Variants in CEP128 observed in about 807,000 individuals in gnomAD.
CEP128 encodes the protein centrosomal protein 128kDa.
CEP128 carries 132 observed loss-of-function variants against 156.7 expected under a neutral mutation model. The ratio of observed to expected loss-of-function variants is 0.84; its 90% CI spans 0.73 to 0.97. The LOEUF (loss-of-function observed/expected upper bound fraction) is 0.97. Among genes scored for constraint, CEP128 ranks in the 50% least tolerant of loss-of-function variants. The pLI is 0.00. For synonymous variants in CEP128, 469 were observed against 448.9 expected, an observed-to-expected ratio of 1.04 and a Z score of -0.57; for missense variants, 1,252 against 1,281.9, an observed-to-expected ratio of 0.98 and a Z score of 0.36.
At chr14:80,624,738 A>C (rs1893636071) in intron 19 of CEP128, among the ~76,000 whole-genome samples, 1 of 151,962 alleles carries the variant, frequency 6.6e-6, no homozygotes, top group African/African-American at 2.4e-5. Flanking sequence ...AGAAATGTCT[A>C]CTCAGACCCT....
At chr14:80,563,316 AG>A (rs1304924342) in intron 20 of CEP128, among the ~76,000 whole-genome samples, 1 of 152,262 alleles carries the variant, frequency 6.6e-6, no homozygotes, top group East Asian at 1.9e-4. Flanking sequence ...GACCACTCCC[AG>A]GAAGTAATGA....
intron 19 of CEP128, among the ~76,000 whole-genome samples, chr14:80,707,331 TG>T (rs1409768057): frequency 6.6e-6 from 1 of 152,208 alleles, no homozygotes; most frequent in Non-Finnish European, 1.5e-5. Context: ...TTGTTCAGCT[TG>T]GTTTATCTGC....
chr14:80,511,545 A>G (rs548073945), intron 23 of CEP128, among the ~76,000 whole-genome samples: 1 of 152,062 alleles, frequency 6.6e-6, no homozygotes, highest in African/African-American at 2.4e-5. Flanking sequence ...TCAAAAAAAC[A>G]ACTTTTTGTT....
At chr14:80,520,989 A>ATTTTTT (rs533538115) in intron 23 of CEP128, among the ~76,000 whole-genome samples, 1 of 114,586 alleles carries the variant, frequency 8.7e-6, no homozygotes, top group Non-Finnish European at 1.8e-5. Flanking sequence ...CGCCCAGCTA[A>ATTTTTT]TTTTTTTTTT....
intron 4 of CEP128, among the ~76,000 whole-genome samples, chr14:80,911,289 C>T (rs1004016180): frequency 8.6e-5 from 13 of 151,982 alleles, no homozygotes; most frequent in Admixed American, 3.9e-4. Flanking sequence ...ACTTGGGCCC[C>T]GGAGTTCAAG....
intron 19 of CEP128, among the ~76,000 whole-genome samples, chr14:80,617,713 G>A (rs1187909289): frequency 6.6e-6 from 1 of 152,166 alleles, no homozygotes; most frequent in African/African-American, 2.4e-5. Context: ...AGACCGAGGC[G>A]GATGGATCTC....
intron 9 of CEP128, among the ~76,000 whole-genome samples, chr14:80,848,618 C>A (rs2140109188): frequency 6.6e-6 from 1 of 151,670 alleles, no homozygotes; most frequent in South Asian, 2.1e-4. Context: ...CAAGATCGTG[C>A]CACTGCACTC....
chr14:80,757,905 C>G (rs908205689), intron 17 of CEP128, among the ~76,000 whole-genome samples: 1 of 152,206 alleles, frequency 6.6e-6, no homozygotes, highest in Non-Finnish European at 1.5e-5. Context: ...ACCTTTCTAT[C>G]TAAATCTCAC....
At chr14:80,851,480 G>A (rs577270413) in intron 9 of CEP128, among the ~76,000 whole-genome samples, 4 of 151,972 alleles carry the variant, frequency 2.6e-5, no homozygotes, top group Non-Finnish European at 5.9e-5. Context: ...AATGTAGCTG[G>A]AACATAGATA....
chr14:80,954,017 C>T (rs1315322494), intron 2 of CEP128, among the ~76,000 whole-genome samples: 1 of 152,248 alleles, frequency 6.6e-6, no homozygotes, highest in East Asian at 1.9e-4. Flanking sequence ...AGCCTGTAAT[C>T]CCAGCACTTT....
intron 13 of CEP128, among the ~76,000 whole-genome samples, chr14:80,810,315 TC>T (rs1884439374): frequency 2.7e-5 from 1 of 36,926 alleles, no homozygotes; most frequent in African/African-American, 7.9e-5. Context: ...AGAGCAAGAC[TC>T]CATCTCCAAA....
chr14:80,637,649 A>C (rs1363847878), intron 19 of CEP128, among the ~76,000 whole-genome samples: 1 of 152,164 alleles, frequency 6.6e-6, no homozygotes, highest in Non-Finnish European at 1.5e-5. Context: ...ATAAAAACTG[A>C]ATGGTGCCCC....
chr14:80,532,062 T>C (rs976601282), intron 21 of CEP128, among the ~76,000 whole-genome samples: 1 of 152,176 alleles, frequency 6.6e-6, no homozygotes, highest in Non-Finnish European at 1.5e-5. Context: ...GAGTTAGTTA[T>C]CAATGCATCA....
intron 19 of CEP128, among the ~76,000 whole-genome samples, chr14:80,734,085 CA>C (rs1178206158): frequency 6.6e-6 from 1 of 152,102 alleles, no homozygotes; most frequent in Non-Finnish European, 1.5e-5. Flanking sequence ...GGCTAAAGGT[CA>C]GGCATCACTT....
intron 19 of CEP128, among the ~76,000 whole-genome samples, chr14:80,723,240 A>G (rs1055326630): frequency 2.8e-4 from 43 of 152,202 alleles, no homozygotes; most frequent in African/African-American, 1.0e-3. Context: ...GAAATGAGTC[A>G]AACTACTACC....
intron 19 of CEP128, among the ~76,000 whole-genome samples, chr14:80,615,788 C>T (rs1046537320): frequency 4.6e-5 from 7 of 152,156 alleles, no homozygotes; most frequent in African/African-American, 1.7e-4. Context: ...GGCAGAGTTG[C>T]ACTGAGCCAA....
chr14:80,635,998 T>C (rs886991266), intron 19 of CEP128, among the ~76,000 whole-genome samples: 1 of 152,254 alleles, frequency 6.6e-6, no homozygotes, highest in Non-Finnish European at 1.5e-5. Context: ...TCTCATTATG[T>C]ATATGCAAAT....
At chr14:80,689,089 G>A (rs1283230297) in intron 19 of CEP128, among the ~76,000 whole-genome samples, 1 of 151,994 alleles carries the variant, frequency 6.6e-6, no homozygotes, top group African/African-American at 2.4e-5. Flanking sequence ...ACGGCTAGGC[G>A]CAGTGGCACC....
intron 19 of CEP128, among the ~76,000 whole-genome samples, chr14:80,722,738 C>T (rs1356226638): frequency 6.6e-6 from 1 of 150,722 alleles, no homozygotes; most frequent in Non-Finnish European, 1.5e-5. Context: ...ACCCAACTGA[C>T]AATTAAGCAA....
Sources: gnomAD v4.1 joint callset for allele counts (sites outside exome capture counted in the v4.1 genomes callset) on GRCh38, gnomAD v4.1.1 for gene constraint, MANE v1.5 for transcripts, NCBI Gene and HGNC (gene_info 2026-07-23, HGNC 2026-07-21) for gene names.